The following CCDC15 variants were observed in gnomAD, a reference collection of about 807,000 sequenced individuals.
CCDC15 encodes coiled-coil domain-containing protein 15.
A neutral mutation model predicts 114.5 loss-of-function variants in CCDC15; 105 were observed. The ratio of observed to expected loss-of-function variants is 0.92; its 90% CI spans 0.78 to 1.08. The LOEUF is 1.08. CCDC15 is among the 50% of genes least tolerant of loss of function. The pLI, the probability that CCDC15 is intolerant of heterozygous loss-of-function variation, is 0.00. For synonymous variants in CCDC15, 334 were observed against 377.8 expected (o/e 0.88, Z 1.34); for missense variants, 1,105 against 1,093.6 (o/e 1.01, Z -0.15).
chr11:125,015,312 TA>T (rs1257776394), intron 13 of CCDC15, among the ~76,000 whole-genome samples: 2 of 152,108 alleles, frequency 1.3e-5, no homozygotes, highest in African/African-American at 4.8e-5. Context: ...TTGGTTCTTT[TA>T]AAAATTTTGT....
intron 13 of CCDC15, among the ~76,000 whole-genome samples, chr11:125,006,311 A>G (rs1441791832): frequency 6.6e-6 from 1 of 152,166 alleles, no homozygotes; most frequent in African/African-American, 2.4e-5. Flanking sequence ...CCCTAATGAC[A>G]TATAATATGG....
chr11:124,954,969 C>G (rs891179751), intron 2 of CCDC15, 60 bp downstream of exon 2: 14 of 1,477,060 alleles, frequency 9.5e-6, no homozygotes, highest in Non-Finnish European at 1.2e-5. Flanking sequence ...TATTAGCCTT[C>G]TCTAATCCTG....
intron 13 of CCDC15, among the ~76,000 whole-genome samples, chr11:125,033,844 CTA>C (rs1948757591): frequency 6.6e-6 from 1 of 152,184 alleles, no homozygotes; most frequent in African/African-American, 2.4e-5. Flanking sequence ...TGATCAAACT[CTA>C]TGTTCCTTCT....
At chr11:125,028,092 A>G (rs972303075) in intron 13 of CCDC15, among the ~76,000 whole-genome samples, 15 of 152,148 alleles carry the variant, frequency 9.9e-5, no homozygotes, top group Non-Finnish European at 8.8e-5. Flanking sequence ...CCATTGGTCT[A>G]TGTGCCTGTA....
At chr11:125,030,365 G>A (rs778283156) in intron 13 of CCDC15, among the ~76,000 whole-genome samples, 3 of 152,142 alleles carry the variant, frequency 2.0e-5, no homozygotes, top group Non-Finnish European at 4.4e-5. Context: ...AGGATGATGG[G>A]GGAACTGATA....
chr11:124,992,781 C>G, intron 10 of CCDC15, 94 bp downstream of exon 10: 1 of 700,118 alleles, frequency 1.4e-6, no homozygotes, highest in Non-Finnish European at 2.4e-6. Context: ...GTCAAGCTAG[C>G]TTGTTTGTGG....
At chr11:125,028,888 G>C (rs1188109090) in intron 13 of CCDC15, among the ~76,000 whole-genome samples, 5 of 151,982 alleles carry the variant, frequency 3.3e-5, no homozygotes, top group Admixed American at 6.6e-5. Flanking sequence ...AGAACTAATG[G>C]AATAGATAAA....
Position 124,991,587 on chromosome 11 carries a change from G to A in CCDC15, c.2031+4G>A, listed in dbSNP as rs1382392159. On this transcript the variant is annotated splice_donor_region_variant and intron_variant, in intron 9 of 15. Transcript: ENST00000344762. ...CCAGGATGACATCAAAAATCAGGTAGAGTAGAAGAAAAAGATATAAACAGG... is the reference window on the plus strand; with the variant it reads ...CCAGGATGACATCAAAAATCAGGTAAAGTAGAAGAAAAAGATATAAACAGG... 1.3e-6 allele frequency: 2 copies of A among 1,595,768 alleles called. No homozygotes were observed. Among genetic ancestry groups the A allele is most frequent in the Admixed American group, 1.8e-5 (1 of 56,814 alleles).
chr11:125,009,151 CG>C (rs1213982662), intron 13 of CCDC15, among the ~76,000 whole-genome samples: 1 of 149,272 alleles, frequency 6.7e-6, no homozygotes, highest in East Asian at 2.0e-4. Flanking sequence ...CACTTGAACA[CG>C]GGGGGCGGAG....
chr11:125,017,421 AG>A lies in CCDC15; in HGVS notation c.2411+12210del, dbSNP rs60765606. Among the ~76,000 whole-genome samples the A allele has an allele frequency of 4.5e-3, 688 of 152,254 alleles. 5 individuals carry two copies. Among genetic ancestry groups the A allele is most frequent in the African/African-American group, 0.016 (654 of 41,566 alleles). On this transcript the variant is annotated intron_variant, in intron 13 of 15. Coordinates refer to ENST00000344762, the MANE Select transcript of CCDC15 (RefSeq NM_025004.3). ...TACACTGTTGGTCCCATAAGATTAT[AG>A]TGGAGCTGAAAAATTCCTATCACCT...
chr11:125,005,424 A>C (rs1420269387), intron 13 of CCDC15, among the ~76,000 whole-genome samples: 1 of 152,046 alleles, frequency 6.6e-6, no homozygotes, highest in Non-Finnish European at 1.5e-5. Flanking sequence ...GGGCAATTTT[A>C]GGCTCACAGC....
At chr11:124,975,022 G>T in intron 4 of CCDC15, 74 bp from the exon 5 acceptor site, 1 of 871,982 alleles carries the variant, frequency 1.1e-6, no homozygotes, top group Non-Finnish European at 1.7e-6. Context: ...CTGTTTTCCT[G>T]TTGGAACACT....
rs527861031 is a variant in CCDC15 at position 125,034,687 on chromosome 11, A to G, written c.2412-3744A>G. 1.1e-4 allele frequency among the ~76,000 whole-genome samples: 16 copies of G among 152,262 alleles called. No homozygotes were observed. The East Asian group carries it at 2.5e-3, about 24-fold the overall frequency. ...ATGAGCAGTGAATCAGGAGTGTCAA[A>G]TGCATTTATTTTGCATAACTCTCTA... On this transcript the variant is annotated intron_variant, in intron 13 of 15. Transcript: ENST00000344762.
In CCDC15 at chr11:124,991,564, A is replaced by G; in HGVS notation, c.2012A>G (p.Gln671Arg). 3 of 1,607,142 alleles carry G rather than the reference A, an allele frequency of 1.9e-6. No homozygotes were observed. The highest frequency in any genetic ancestry group is 2.6e-6 in the Non-Finnish European group (3 of 1,176,004). ...YQCLPPKSQD[Q>R]DDIKNQQPAS... The stretch of plus-strand genomic sequence containing the variant: ...TGTTTGCCTCCCAAATCCCAGGACC[A>G]GGATGACATCAAAAATCAGGTAGAG... The change falls in exon 9 of 16, where the codon CAG (glutamine) becomes CGG (arginine). Residue 671 changes from glutamine to arginine, a missense_variant. Physicochemically the swap from Gln to Arg is conservative, Grantham distance 43. Transcript: ENST00000344762.
chr11:125,031,054 T>C (rs908329539), intron 13 of CCDC15, among the ~76,000 whole-genome samples: 7 of 152,226 alleles, frequency 4.6e-5, no homozygotes, highest in Non-Finnish European at 5.9e-5. Context: ...AGTCAAACCA[T>C]TGGCTACAGC....
chr11:124,960,138 T>A, intron 4 of CCDC15, 135 bp downstream of exon 4: 2 of 442,816 alleles, frequency 4.5e-6, no homozygotes, highest in Non-Finnish European at 7.2e-6. Flanking sequence ...CATCCCCCTT[T>A]TTTTTTTTTT....
At chr11:124,994,058 G>C (rs1948317612) in intron 11 of CCDC15, among the ~76,000 whole-genome samples, 1 of 152,158 alleles carries the variant, frequency 6.6e-6, no homozygotes, top group African/African-American at 2.4e-5. Context: ...GACTCATTTA[G>C]ATTACTTCAG....
chr11:125,003,744 T>C (rs1948515730), intron 11 of CCDC15, 123 bp from the exon 12 acceptor site: 1 of 593,846 alleles, frequency 1.7e-6, no homozygotes, highest in African/African-American at 2.0e-5. Context: ...TCATGTTTTT[T>C]CCCCTTCTTT....
At chr11:124,984,599 A>T (rs1163781136) in intron 6 of CCDC15, among the ~76,000 whole-genome samples, 1 of 152,056 alleles carries the variant, frequency 6.6e-6, no homozygotes, top group Non-Finnish European at 1.5e-5. Flanking sequence ...CACCGGCTGG[A>T]ATTCTGCCCA....
Sources: allele counts gnomAD v4.1 joint callset (sites outside exome capture counted in the v4.1 genomes callset), GRCh38; gene constraint gnomAD v4.1.1; transcripts MANE v1.5; gene names NCBI Gene and HGNC (gene_info 2026-07-23, HGNC 2026-07-21).